Variants in ITPR2 observed in about 807,000 individuals in gnomAD.
The protein encoded by ITPR2 is inositol 1,4,5-trisphosphate-gated calcium channel ITPR2.
A neutral mutation model predicts 317.1 loss-of-function variants in ITPR2; 207 were observed. That is an observed-to-expected ratio of 0.65 (90% CI 0.58 to 0.73). The LOEUF (loss-of-function observed/expected upper bound fraction) is 0.73, where lower values mean the gene tolerates loss of function less well. ITPR2 is among the 30% of genes least tolerant of loss of function. ITPR2 has a pLI of 0.00. For synonymous variants in ITPR2, 1,156 were observed against 1,149.1 expected (o/e 1.01, Z -0.12); for missense variants, 2,613 against 3,284.0 (o/e 0.80, Z 4.99).
intron 43 of ITPR2, among the ~76,000 whole-genome samples, 181 bp downstream of exon 43, chr12:26,480,950 G>A (rs767886018): frequency 1.8e-4 from 27 of 152,230 alleles, no homozygotes; most frequent in Non-Finnish European, 3.2e-4. Flanking sequence ...CCTTGCCATG[G>A]AATATTACCT....
intron 37 of ITPR2, among the ~76,000 whole-genome samples, chr12:26,538,662 C>T (rs1038098701): frequency 5.9e-5 from 9 of 152,022 alleles, no homozygotes; most frequent in Non-Finnish European, 1.2e-4. Context: ...CTGCAACCTC[C>T]GCCTTCTGGG....
rs1937937124 is a variant in ITPR2, at chr12:26,336,998, T to C, written c.*2399A>G. On this transcript the variant is annotated 3_prime_UTR_variant, in exon 57 of 57. Coordinates refer to ENST00000381340, the MANE Select transcript of ITPR2 (RefSeq NM_002223.4). ...TGTTGCTGTTTTTTTTTTTTTTGCT[T>C]TATAATTTCTAAGCATTTAGGCAGA... The C allele has an allele frequency of 1.4e-5, 2 of 143,546 alleles. No individual in the cohort carries two copies. The highest frequency in any genetic ancestry group is 3.1e-5 in the Non-Finnish European group (2 of 64,668). The allele number at this position is 143,546 out of a possible 1,614,324, so 8.9% of individuals were successfully genotyped here. A position where few individuals can be genotyped will look rare whatever the true frequency, so the allele number is the denominator to read the frequency against.
intron 45 of ITPR2, among the ~76,000 whole-genome samples, chr12:26,473,950 A>G (rs187635685): frequency 6.6e-6 from 1 of 152,340 alleles, no homozygotes; most frequent in African/African-American, 2.4e-5. Context: ...TCTGTTCTAC[A>G]TAGGTATTTT....
At chr12:26,781,992 G>GTATA (rs1161714052) in intron 2 of ITPR2, among the ~76,000 whole-genome samples, 235 of 56,782 alleles carry the variant, frequency 4.1e-3, no homozygotes, top group African/African-American at 7.5e-3. Flanking sequence ...AAACTCCCCT[G>GTATA]TATATATATA....
rs1297758958 is a variant in ITPR2 at position 26,589,855 on chromosome 12, C to CACAA, written c.4380+5609_4380+5610insTTGT. Among the ~76,000 whole-genome samples the CACAA allele has an allele frequency of 5.2e-4, 7 of 13,346 alleles. 1 individual carries two copies. The highest frequency in any genetic ancestry group is 1.2e-3 in the African/African-American group (7 of 5,902). The allele number at this position is 13,346 out of a possible 152,430, so 8.8% of individuals were successfully genotyped here. The stretch of plus-strand genomic sequence containing the variant: ...AAACATATATATATATATATATATA[C>CACAA]ACACACACACACACACACACACACA... On this transcript the variant is annotated intron_variant, in intron 32 of 56. Coordinates refer to ENST00000381340, the MANE Select transcript of ITPR2 (RefSeq NM_002223.4).
chr12:26,588,496 C>T (rs964690578), intron 32 of ITPR2, among the ~76,000 whole-genome samples: 3 of 152,088 alleles, frequency 2.0e-5, no homozygotes, highest in Non-Finnish European at 2.9e-5. Context: ...TTTTTAATAG[C>T]TCATTCAACT....
At chr12:26,829,806 A>C (rs899767879) in intron 1 of ITPR2, among the ~76,000 whole-genome samples, 1 of 152,242 alleles carries the variant, frequency 6.6e-6, no homozygotes, top group Non-Finnish European at 1.5e-5. Flanking sequence ...CTTCTGAAGT[A>C]CTACAAAGTT....
chr12:26,381,755 G>T (rs1939516210), intron 55 of ITPR2, among the ~76,000 whole-genome samples: 1 of 152,172 alleles, frequency 6.6e-6, no homozygotes, highest in Admixed American at 6.5e-5. Flanking sequence ...AAAACCCATG[G>T]CCATGACATG....
chr12:26,805,307 T>TTTAAA (rs1336583324), intron 1 of ITPR2, among the ~76,000 whole-genome samples: 2 of 152,234 alleles, frequency 1.3e-5, no homozygotes, highest in African/African-American at 4.8e-5. Flanking sequence ...AATTAACTGA[T>TTTAAA]TTAATAAAGC....
chr12:26,663,897 A>AT (rs746267067), intron 14 of ITPR2, 51 bp from the exon 15 acceptor site: 528 of 1,457,212 alleles, frequency 3.6e-4, no homozygotes, highest in East Asian at 8.2e-4. Flanking sequence ...ATGTTTTGCA[A>AT]CCTTTTTTTT....
intron 18 of ITPR2, 39 bp from the exon 19 acceptor site, chr12:26,656,587 C>G (rs1947372616): frequency 6.2e-7 from 1 of 1,604,452 alleles, no homozygotes; most frequent in Non-Finnish European, 8.5e-7. Flanking sequence ...TGTCTTATCT[C>G]AAGGAAATCT....
chr12:26,449,509 C>A (rs1941688820), intron 45 of ITPR2, among the ~76,000 whole-genome samples: 1 of 152,030 alleles, frequency 6.6e-6, no homozygotes. Flanking sequence ...AACCTACTTT[C>A]TAGTTGGAGG....
At chr12:26,451,365 T>TCACACACACACACACACACACA (rs57642539) in intron 45 of ITPR2, among the ~76,000 whole-genome samples, 15 of 136,410 alleles carry the variant, frequency 1.1e-4, no homozygotes, top group African/African-American at 4.2e-4. Flanking sequence ...TTCTCTCATA[T>TCACACACACACACACACACACA]CACACACACA....
At chr12:26,789,756 C>A (rs974785654) in intron 2 of ITPR2, among the ~76,000 whole-genome samples, 6 of 152,164 alleles carry the variant, frequency 3.9e-5, no homozygotes, top group African/African-American at 1.4e-4. Flanking sequence ...AAAAAGTAAG[C>A]TAACACATCA....
intron 47 of ITPR2, among the ~76,000 whole-genome samples, chr12:26,437,923 T>C (rs1941394619): frequency 6.6e-6 from 1 of 152,060 alleles, no homozygotes; most frequent in African/African-American, 2.4e-5. Flanking sequence ...TGCCTCAGCC[T>C]CCCGAGTAGC....
At chr12:26,375,505 TC>T (rs1156742235) in intron 55 of ITPR2, among the ~76,000 whole-genome samples, 1 of 152,212 alleles carries the variant, frequency 6.6e-6, no homozygotes, top group Non-Finnish European at 1.5e-5. Flanking sequence ...AAAGTCAACA[TC>T]CTCTTTCAGA....
chr12:26,636,171 A>G (rs930965856), intron 21 of ITPR2, among the ~76,000 whole-genome samples: 13 of 152,178 alleles, frequency 8.5e-5, no homozygotes, highest in Non-Finnish European at 7.4e-5. Flanking sequence ...ACGGTCACAC[A>G]ACTTGCTCCC....
In ITPR2 at chr12:26,483,812, T is replaced by C; in HGVS notation, c.5898A>G (p.Thr1966=). The change falls in exon 42 of 57, where the codon ACA becomes ACG. Residue 1966 remains threonine, a synonymous_variant. Transcript: ENST00000381340. ...LQFLDCICGS[T]TGGLGLLGLY... ...GACCCAACAGGCCCAGGCCACCGGT[T>C]GTACTTCCACAAATGCAGTCCAGAA... 6.2e-7 allele frequency: 1 copy of C among 1,614,188 alleles called. No individual in the cohort carries two copies. Among genetic ancestry groups the C allele is most frequent in the East Asian group, 2.2e-5 (1 of 44,882 alleles).
intron 34 of ITPR2, among the ~76,000 whole-genome samples, chr12:26,562,626 G>A (rs923053225): frequency 6.6e-5 from 10 of 152,182 alleles, no homozygotes; most frequent in Non-Finnish European, 1.2e-4. Flanking sequence ...AGAGATTAGA[G>A]TTAGAAAAGG....
Sources: allele counts gnomAD v4.1 joint callset (sites outside exome capture counted in the v4.1 genomes callset), GRCh38; gene constraint gnomAD v4.1.1; transcripts MANE v1.5; gene names NCBI Gene and HGNC (gene_info 2026-07-23, HGNC 2026-07-21).